The following CDH18 variants were observed in gnomAD, a reference collection of about 807,000 sequenced individuals.
The protein encoded by CDH18 is cadherin-18.
A neutral mutation model predicts 67.9 loss-of-function variants in CDH18; 31 were observed. That is an observed-to-expected ratio of 0.46 (90% CI 0.34 to 0.62). The LOEUF (loss-of-function observed/expected upper bound fraction) is 0.62, where lower values mean the gene tolerates loss of function less well. Among genes scored for constraint, CDH18 ranks in the 20% least tolerant of loss-of-function variants. CDH18 has a pLI of 0.01. For missense variants in CDH18, 890 were observed against 975.5 expected, an observed-to-expected ratio of 0.91 and a Z score of 1.17; for synonymous variants, 362 against 347.2, an observed-to-expected ratio of 1.04 and a Z score of -0.48.
chr5:20,356,366 G>A (rs1741608088), intron 1 of CDH18, among the ~76,000 whole-genome samples: 1 of 152,102 alleles, frequency 6.6e-6, no homozygotes. Flanking sequence ...CTGGGCGAAA[G>A]AGCAAGACTC....
At chr5:20,010,609 C>A (rs1737348771) in intron 2 of CDH18, among the ~76,000 whole-genome samples, 1 of 152,128 alleles carries the variant, frequency 6.6e-6, no homozygotes, top group Non-Finnish European at 1.5e-5. Flanking sequence ...TGAGCATTTT[C>A]TAATCTTTAT....
chr5:20,001,002 T>C (rs1265947324), intron 2 of CDH18, among the ~76,000 whole-genome samples: 1 of 152,200 alleles, frequency 6.6e-6, no homozygotes, highest in East Asian at 1.9e-4. Flanking sequence ...AGTCAAAATG[T>C]GGCAACTCCA....
At chr5:20,173,464 G>T in intron 2 of CDH18, among the ~76,000 whole-genome samples, 1 of 152,254 alleles carries the variant, frequency 6.6e-6, no homozygotes, top group East Asian at 1.9e-4. Context: ...TAGATGGCAG[G>T]TTTGAAGCTG....
intron 5 of CDH18, among the ~76,000 whole-genome samples, chr5:19,640,375 A>G (rs535662119): frequency 6.6e-6 from 1 of 152,288 alleles, no homozygotes; most frequent in South Asian, 2.1e-4. Context: ...TACGATTGAA[A>G]TTAAGTTTTC....
intron 1 of CDH18, among the ~76,000 whole-genome samples, chr5:20,427,402 C>G (rs1560991449): frequency 6.6e-6 from 1 of 151,170 alleles, no homozygotes; most frequent in Non-Finnish European, 1.5e-5. Context: ...GCTTATTTTA[C>G]TCAAAATAAT....
At chr5:20,330,435 T>C (rs1347585632) in intron 1 of CDH18, among the ~76,000 whole-genome samples, 1 of 152,122 alleles carries the variant, frequency 6.6e-6, no homozygotes, top group Non-Finnish European at 1.5e-5. Context: ...TGGTCCCAGC[T>C]GGTGCCAGGG....
chr5:20,427,962 T>C (rs1748432600), intron 1 of CDH18, among the ~76,000 whole-genome samples: 1 of 151,066 alleles, frequency 6.6e-6, no homozygotes, highest in Admixed American at 6.6e-5. Flanking sequence ...AGTTCTAGGA[T>C]ACATGTGCAG....
intron 1 of CDH18, among the ~76,000 whole-genome samples, chr5:20,509,002 A>G (rs574541428): frequency 2.6e-5 from 4 of 152,272 alleles, no homozygotes; most frequent in African/African-American, 9.6e-5. Flanking sequence ...ATTGTGTAAG[A>G]CATAACATTT....
rs3062879 is a variant in CDH18 at position 19,611,949 on chromosome 5, CGTGTGTGTGTGTGT to C, written c.811+471_811+484del. Reference sequence around the variant, plus strand: ...AACTTCAACTTGCTTTTGGATGATGCGTGTGTGTGTGTGTGTGTGTGTGTGTGTGTGTGTGTGCA... The same window carrying C: ...AACTTCAACTTGCTTTTGGATGATGCGTGTGTGTGTGTGTGTGTGTGTGCA... On this transcript the variant is annotated intron_variant, in intron 6 of 12. Transcript: ENST00000382275. 2.8e-4 allele frequency among the ~76,000 whole-genome samples: 39 copies of C among 139,010 alleles called. 1 individual carries two copies. Among genetic ancestry groups the C allele is most frequent in the African/African-American group, 1.0e-3 (38 of 37,748 alleles). 91.2% of individuals were successfully genotyped at this position (139,010 alleles called of 152,430 possible).
chr5:20,452,849 A>C (rs1286797065), intron 1 of CDH18, among the ~76,000 whole-genome samples: 1 of 152,192 alleles, frequency 6.6e-6, no homozygotes, highest in African/African-American at 2.4e-5. Context: ...AATTATAGAC[A>C]ATGTATATGT....
At chr5:20,037,806 G>A (rs112041433) in intron 2 of CDH18, among the ~76,000 whole-genome samples, 8,774 of 151,986 alleles carry the variant, frequency 0.058, 606 homozygotes, top group African/African-American at 0.16. Context: ...AGAGAAGCAC[G>A]AGCAAACACA....
intron 2 of CDH18, among the ~76,000 whole-genome samples, chr5:19,846,723 G>A (rs1196840372): frequency 6.6e-6 from 1 of 152,044 alleles, no homozygotes; most frequent in Non-Finnish European, 1.5e-5. Context: ...CTGAGGGGTA[G>A]CTGTACTTTC....
At chr5:20,318,275 G>T (rs557045052) in intron 1 of CDH18, among the ~76,000 whole-genome samples, 3 of 152,232 alleles carry the variant, frequency 2.0e-5, no homozygotes, top group African/African-American at 7.2e-5. Context: ...CTCTACCAAA[G>T]TGGGAGTTTA....
intron 2 of CDH18, among the ~76,000 whole-genome samples, chr5:20,201,750 A>C (rs952392947): frequency 2.0e-4 from 31 of 152,180 alleles, no homozygotes; most frequent in Admixed American, 2.0e-3. Flanking sequence ...TTGATTTTCC[A>C]GTATATTTGC....
intron 1 of CDH18, among the ~76,000 whole-genome samples, chr5:20,505,874 G>T (rs571998027): frequency 3.3e-5 from 5 of 152,162 alleles, no homozygotes; most frequent in African/African-American, 4.8e-5. Flanking sequence ...GACTTGCAGA[G>T]CATACACTCC....
chr5:20,012,521 G>C (rs2150417589), intron 2 of CDH18, among the ~76,000 whole-genome samples: 1 of 152,042 alleles, frequency 6.6e-6, no homozygotes, highest in East Asian at 1.9e-4. Context: ...ATTTCCAGTA[G>C]CTGCAAGAAG....
intron 2 of CDH18, among the ~76,000 whole-genome samples, chr5:19,925,492 C>CT (rs141524588): frequency 0.013 from 1,947 of 151,318 alleles, 36 homozygotes; most frequent in African/African-American, 0.043. Context: ...CTGCATTTTT[C>CT]TTTTTTTTTC....
chr5:20,346,915 G>A (rs1740745961), intron 1 of CDH18, among the ~76,000 whole-genome samples: 1 of 152,148 alleles, frequency 6.6e-6, no homozygotes, highest in Admixed American at 6.6e-5. Context: ...CCAATCAGGT[G>A]ATGGATCACA....
intron 7 of CDH18, among the ~76,000 whole-genome samples, chr5:19,589,270 C>T (rs1744708280): frequency 6.6e-6 from 1 of 152,076 alleles, no homozygotes; most frequent in African/African-American, 2.4e-5. Flanking sequence ...TTTTTGATGA[C>T]TAGCTACCTC....
Sources: gnomAD v4.1 joint callset for allele counts (sites outside exome capture counted in the v4.1 genomes callset) on GRCh38, gnomAD v4.1.1 for gene constraint, MANE v1.5 for transcripts, NCBI Gene and HGNC (gene_info 2026-07-23, HGNC 2026-07-21) for gene names.